Variants in SNX25 observed in about 807,000 individuals in gnomAD.
The protein encoded by SNX25 is sorting nexin-25.
Under a neutral mutation model 113.7 loss-of-function variants are expected in SNX25, and 62 were observed. The observed-to-expected ratio is 0.55, with a 90% CI of 0.44 to 0.67. The LOEUF is 0.67. SNX25 is among the 30% of genes least tolerant of loss of function. The probability of loss-of-function intolerance (pLI) is 0.00; values close to 1 mark genes in which losing one functional copy is unlikely to be tolerated. For synonymous variants in SNX25, 421 were observed against 436.2 expected, an observed-to-expected ratio of 0.97 and a Z score of 0.43; for missense variants, 1,014 against 1,161.0, an observed-to-expected ratio of 0.87 and a Z score of 1.84.
At chr4:185,373,531 C>T (rs1436792480), downstream of SNX25, among the ~76,000 whole-genome samples, 1 of 152,218 alleles carries the variant, frequency 6.6e-6, no homozygotes, top group East Asian at 1.9e-4. Context: ...TGTATGTAGG[C>T]TCAAGCACAT....
At chr4:185,224,508 T>TATAC (rs1170018928) in intron 1 of SNX25, among the ~76,000 whole-genome samples, 1 of 123,790 alleles carries the variant, frequency 8.1e-6, no homozygotes, top group Middle Eastern at 3.8e-3. Flanking sequence ...TATAAATATA[T>TATAC]AGATATATAA....
chr4:185,377,012 G>T, the SNX25 span: 1 of 1,607,336 alleles, frequency 6.2e-7, no homozygotes, highest in Non-Finnish European at 8.5e-7. Context: ...ATTAGCATGG[G>T]TGTAATCTGA....
chr4:185,358,426 G>T (rs531411252), intron 16 of SNX25, among the ~76,000 whole-genome samples: 6 of 152,288 alleles, frequency 3.9e-5, no homozygotes, highest in Admixed American at 2.6e-4. Flanking sequence ...TTGTTATTGA[G>T]AACTCAATTA....
At chr4:185,361,233 A>G (rs1160373329) in intron 16 of SNX25, among the ~76,000 whole-genome samples, 1 of 152,178 alleles carries the variant, frequency 6.6e-6, no homozygotes, top group Non-Finnish European at 1.5e-5. Context: ...GCGGAACTTC[A>G]GGACCTCAGG....
At chr4:185,362,570 C>T (rs1439571795) in intron 17 of SNX25, 41 bp from the exon 18 acceptor site, 1 of 1,581,364 alleles carries the variant, frequency 6.3e-7, no homozygotes, top group Non-Finnish European at 8.7e-7. Context: ...GCACTGAGCA[C>T]TTTATCAATA....
intron 6 of SNX25, among the ~76,000 whole-genome samples, chr4:185,308,903 C>T (rs1166273897): frequency 6.6e-6 from 1 of 152,240 alleles, no homozygotes; most frequent in South Asian, 2.1e-4. Flanking sequence ...CTCAGAAGCC[C>T]GCAGACTCAT....
intron 5 of SNX25, among the ~76,000 whole-genome samples, chr4:185,269,004 A>C (rs1042918415): frequency 6.6e-6 from 1 of 152,194 alleles, no homozygotes; most frequent in Non-Finnish European, 1.5e-5. Context: ...ATAATTTTGA[A>C]TAGACTACAT....
intron 15 of SNX25, among the ~76,000 whole-genome samples, chr4:185,353,815 G>T (rs1015776006): frequency 1.3e-5 from 2 of 152,180 alleles, no homozygotes; most frequent in African/African-American, 4.8e-5. Context: ...GGAGGCCAAG[G>T]CGGGTGGATC....
intron 1 of SNX25, among the ~76,000 whole-genome samples, chr4:185,238,785 A>G (rs1579412920): frequency 6.6e-6 from 1 of 152,230 alleles, no homozygotes; most frequent in Admixed American, 6.5e-5. Flanking sequence ...AAATACATCA[A>G]ACTTTTAAAT....
intron 5 of SNX25, among the ~76,000 whole-genome samples, chr4:185,278,890 A>G (rs568334289): frequency 1.3e-5 from 2 of 152,202 alleles, no homozygotes; most frequent in Non-Finnish European, 2.9e-5. Flanking sequence ...GAAAATAGAT[A>G]TGGATAGCAC....
chr4:185,253,234 ATTGAAAGTTC>A lies in SNX25; in HGVS notation c.515-5608_515-5599del, dbSNP rs1745922302. ...TGTTCAGTGGTGTGTTCAATGTTAA[ATTGAAAGTTC>A]TTGAATTGAAAATATAATTCTTTTT... On this transcript the variant is annotated intron_variant, in intron 2 of 18. Transcript: ENST00000652585. Among the ~76,000 whole-genome samples the A allele has an allele frequency of 2.0e-5, 3 of 152,168 alleles. No individual in the cohort carries two copies. In the South Asian group the frequency reaches 6.2e-4, roughly 32 times the overall value.
intron 5 of SNX25, among the ~76,000 whole-genome samples, chr4:185,271,945 T>G (rs1748992014): frequency 6.6e-6 from 1 of 152,360 alleles, no homozygotes; most frequent in South Asian, 2.1e-4. Flanking sequence ...TATACTAAAT[T>G]AGTGGTTTTA....
At chr4:185,307,835 A>G (rs1390386657) in intron 6 of SNX25, among the ~76,000 whole-genome samples, 1 of 152,072 alleles carries the variant, frequency 6.6e-6, no homozygotes, top group Non-Finnish European at 1.5e-5. Flanking sequence ...ACTCACTGCA[A>G]CCTCAAATTC....
chr4:185,262,736 T>A (rs1747498954), intron 3 of SNX25, among the ~76,000 whole-genome samples: 1 of 152,202 alleles, frequency 6.6e-6, no homozygotes, highest in Non-Finnish European at 1.5e-5. Context: ...AATAAAAGAT[T>A]AATGTCCTTT....
At chr4:185,372,123 T>C (rs2095418233), downstream of SNX25, among the ~76,000 whole-genome samples, 2 of 152,242 alleles carry the variant, frequency 1.3e-5, no homozygotes, top group Admixed American at 1.3e-4. Context: ...ACAGTTGTTA[T>C]GAAGCTGTAT....
chr4:185,362,219 A>AT (rs2095368133), intron 17 of SNX25, 114 bp downstream of exon 17: 8 of 1,412,904 alleles, frequency 5.7e-6, no homozygotes, highest in East Asian at 2.5e-5. Context: ...GAAAAAAAAA[A>AT]GGATCATACT....
downstream of SNX25, chr4:185,370,993 G>C: frequency 5.2e-6 from 3 of 575,546 alleles, no homozygotes; most frequent in Middle Eastern, 4.6e-4. Flanking sequence ...GAGAAGATGA[G>C]CTTCCCAGAG....
chr4:185,240,928 G>A lies in SNX25; in HGVS notation c.430-6366G>A, dbSNP rs1352530953. Among the ~76,000 whole-genome samples, 163 of 151,106 alleles carry A rather than the reference G, an allele frequency of 1.1e-3. 1 individual carries two copies. Among genetic ancestry groups the A allele is most frequent in the Middle Eastern group, 3.5e-3 (1 of 288 alleles). On this transcript the variant is annotated intron_variant, in intron 1 of 18. Coordinates refer to ENST00000652585, the MANE Select transcript of SNX25 (RefSeq NM_001378034.2). ...CCACATCTCAGACGATGGGCGGCCTGGCAGAGATGCTTCTCACTTCCTAGA... is the reference window on the plus strand; with the variant it reads ...CCACATCTCAGACGATGGGCGGCCTAGCAGAGATGCTTCTCACTTCCTAGA...
At position 185,267,557 on chromosome 4, in the gene SNX25, C is replaced by T. The variant is rs564325769; in HGVS notation, c.1091+402C>T. Among the ~76,000 whole-genome samples, 42 of 152,016 alleles carry T rather than the reference C, an allele frequency of 2.8e-4. 1 individual carries two copies. Among genetic ancestry groups the T allele is most frequent in the East Asian group, 1.4e-3 (7 of 5,158 alleles). ...ACCAGCGCGGCCAACATGGTGAAACCGCATCTCTACTAAAAATACAAAAAT... is the reference window on the plus strand; with the variant it reads ...ACCAGCGCGGCCAACATGGTGAAACTGCATCTCTACTAAAAATACAAAAAT... On this transcript the variant is annotated intron_variant, in intron 5 of 18. Coordinates refer to ENST00000652585, the MANE Select transcript of SNX25 (RefSeq NM_001378034.2).
Sources: allele counts gnomAD v4.1 joint callset (sites outside exome capture counted in the v4.1 genomes callset), GRCh38; gene constraint gnomAD v4.1.1; transcripts MANE v1.5; gene names NCBI Gene and HGNC (gene_info 2026-07-23, HGNC 2026-07-21).